UNC13C: variants seen among roughly 807,000 people sequenced by gnomAD.
The protein encoded by UNC13C is protein unc-13 homolog C.
A neutral mutation model predicts 245.4 loss-of-function variants in UNC13C; 174 were observed. The ratio of observed to expected loss-of-function variants is 0.71; its 90% confidence interval spans 0.63 to 0.80. The LOEUF is 0.80. Ranked by LOEUF, UNC13C falls within the 30% of genes least tolerant of loss-of-function variation. UNC13C has a pLI of 0.00. For synonymous variants in UNC13C, 992 were observed against 895.1 expected (o/e 1.11, Z -1.93); for missense variants, 2,829 against 2,602.9 (o/e 1.09, Z -1.89).
chr15:54,128,086 A>C (rs1289105861), intron 2 of UNC13C, among the ~76,000 whole-genome samples: 1 of 152,186 alleles, frequency 6.6e-6, no homozygotes, highest in African/African-American at 2.4e-5. Context: ...ATATAAAATC[A>C]GTAAAAATGT....
intron 4 of UNC13C, among the ~76,000 whole-genome samples, chr15:54,175,613 C>T (rs976053649): frequency 6.7e-5 from 10 of 149,816 alleles, no homozygotes; most frequent in African/African-American, 2.5e-4. Flanking sequence ...CCCGGGTTCA[C>T]GCCATTCTCC....
At chr15:54,143,557 T>C (rs2032121966) in intron 3 of UNC13C, 63 bp from the exon 4 acceptor site, 9 of 1,386,780 alleles carry the variant, frequency 6.5e-6, no homozygotes, top group Non-Finnish European at 9.2e-6. Context: ...CGATTTCGTG[T>C]ACATAAAACT....
chr15:54,380,591 G>T (rs761846584), intron 17 of UNC13C, among the ~76,000 whole-genome samples: 4 of 152,076 alleles, frequency 2.6e-5, no homozygotes, highest in Non-Finnish European at 5.9e-5. Flanking sequence ...AAAAGTGTGC[G>T]AGAGTTCTCT....
intron 19 of UNC13C, among the ~76,000 whole-genome samples, chr15:54,416,353 G>A (rs190598297): frequency 1.3e-3 from 199 of 151,482 alleles, no homozygotes; most frequent in African/African-American, 4.7e-3. Flanking sequence ...TTCTTATTTG[G>A]AAAAAAAAGG....
chr15:54,108,063 T>C (rs1037783844), intron 2 of UNC13C, among the ~76,000 whole-genome samples: 3 of 152,176 alleles, frequency 2.0e-5, no homozygotes, highest in Non-Finnish European at 2.9e-5. Flanking sequence ...TCTAACAATA[T>C]ACAAGGATTA....
chr15:53,842,907 T>C, the UNC13C span, among the ~76,000 whole-genome samples: 2 of 148,128 alleles, frequency 1.4e-5, no homozygotes, highest in African/African-American at 2.5e-5. Flanking sequence ...GTTTTATATA[T>C]ATATATATAT....
the UNC13C span, among the ~76,000 whole-genome samples, chr15:53,865,180 T>C: frequency 2.4e-4 from 36 of 152,224 alleles, no homozygotes; most frequent in African/African-American, 8.2e-4. Flanking sequence ...CTTAAGAATA[T>C]CAACAGTGCA....
At chr15:54,601,437 C>T (rs1899417611) in intron 30 of UNC13C, among the ~76,000 whole-genome samples, 1 of 152,086 alleles carries the variant, frequency 6.6e-6, no homozygotes, top group Admixed American at 6.6e-5. Context: ...TGAGAAGACC[C>T]TAGGGGAACA....
intron 13 of UNC13C, chr15:54,321,560 A>T: frequency 2.4e-6 from 1 of 423,620 alleles, no homozygotes; most frequent in Non-Finnish European, 4.6e-6. Flanking sequence ...ATAGCCTGTG[A>T]GTGTTCCCCG....
intron 7 of UNC13C, among the ~76,000 whole-genome samples, chr15:54,248,279 C>G (rs1232677512): frequency 1.3e-5 from 2 of 151,914 alleles, no homozygotes; most frequent in African/African-American, 4.8e-5. Context: ...AAATTAGTTC[C>G]CTTCCTAATT....
At chr15:54,524,884 G>T (rs1437738868) in intron 24 of UNC13C, among the ~76,000 whole-genome samples, 3 of 152,126 alleles carry the variant, frequency 2.0e-5, no homozygotes, top group African/African-American at 7.2e-5. Context: ...CAATTTCAGA[G>T]AATATTTCAG....
At chr15:53,914,282 G>A in the UNC13C span, 1 of 152,230 alleles carries the variant, frequency 6.6e-6, no homozygotes, top group African/African-American at 2.4e-5. Context: ...GTGCGTGAGT[G>A]TGCACCTCCA....
intron 29 of UNC13C, among the ~76,000 whole-genome samples, chr15:54,556,279 A>G (rs559742843): frequency 1.3e-5 from 2 of 152,232 alleles, no homozygotes; most frequent in East Asian, 1.9e-4. Flanking sequence ...GCTACTAACT[A>G]TACTGTAACT....
At chr15:54,007,865 C>G (rs888755023) in intron 1 of UNC13C, among the ~76,000 whole-genome samples, 11 of 152,114 alleles carry the variant, frequency 7.2e-5, no homozygotes, top group African/African-American at 2.7e-4. Context: ...AGTCCTGAGG[C>G]CAGGACTTGG....
intron 11 of UNC13C, among the ~76,000 whole-genome samples, chr15:54,294,566 A>G (rs1028839426): frequency 6.6e-6 from 1 of 152,124 alleles, no homozygotes; most frequent in Non-Finnish European, 1.5e-5. Flanking sequence ...GATACTGAGA[A>G]GGTGATTAAT....
At chr15:54,195,684 C>T (rs2034330471) in intron 4 of UNC13C, among the ~76,000 whole-genome samples, 1 of 152,120 alleles carries the variant, frequency 6.6e-6, no homozygotes, top group African/African-American at 2.4e-5. Context: ...GATCATCTCT[C>T]ATTACCATTT....
intron 10 of UNC13C, among the ~76,000 whole-genome samples, chr15:54,276,425 C>G (rs2036834044): frequency 6.6e-6 from 1 of 152,100 alleles, no homozygotes; most frequent in Non-Finnish European, 1.5e-5. Flanking sequence ...ATTGCTGCTT[C>G]TACTATGATG....
At chr15:54,023,619 T>C (rs1854405205) in intron 2 of UNC13C, among the ~76,000 whole-genome samples, 1 of 152,154 alleles carries the variant, frequency 6.6e-6, no homozygotes, top group African/African-American at 2.4e-5. Context: ...CAAAAGGATA[T>C]ACAAAGACCC....
chr15:54,431,682 TA>T (rs1203806804), intron 19 of UNC13C, among the ~76,000 whole-genome samples: 3 of 151,672 alleles, frequency 2.0e-5, no homozygotes, highest in South Asian at 2.1e-4. Flanking sequence ...CTTTCTTTGG[TA>T]AAAAACTTCT....
Sources: allele counts gnomAD v4.1 joint callset (sites outside exome capture counted in the v4.1 genomes callset), GRCh38; gene constraint gnomAD v4.1.1; transcripts MANE v1.5; gene names NCBI Gene and HGNC (gene_info 2026-07-23, HGNC 2026-07-21).